MYO9B: variants seen among roughly 807,000 people sequenced by gnomAD.
MYO9B encodes myosin IXB.
In MYO9B, 71 loss-of-function variants were observed where a neutral mutation model predicts 229.5. That is an observed-to-expected ratio of 0.31 (90% CI 0.26 to 0.38). The LOEUF (loss-of-function observed/expected upper bound fraction) is 0.38. Ranked by LOEUF, MYO9B falls within the 10% of genes least tolerant of loss-of-function variation. The pLI, the probability that MYO9B is intolerant of heterozygous loss-of-function variation, is 1.00. For synonymous variants in MYO9B, 1,185 were observed against 1,235.8 expected, an observed-to-expected ratio of 0.96 and a Z score of 0.86; for missense variants, 2,255 against 2,920.5, an observed-to-expected ratio of 0.77 and a Z score of 5.25.
At chr19:17,190,946 A>G in intron 19 of MYO9B, 151 bp from the exon 20 acceptor site, 1 of 831,738 alleles carries the variant, frequency 1.2e-6, no homozygotes, top group East Asian at 2.9e-5. Flanking sequence ...CACCCGGCCC[A>G]GACTATTTCT....
chr19:17,211,763 G>A lies in MYO9B; in HGVS notation c.6047G>A (p.Gly2016Glu). The change falls in exon 39 of 40, where the codon GGG (glycine) becomes GAG (glutamate). Residue 2016 changes from glycine (G) to glutamate (E), a missense_variant. Coordinates refer to ENST00000682292, the MANE Select transcript of MYO9B (RefSeq NM_004145.4). ...ESLLEERAGRGASEGPPAPAL... is the reference protein window; with the variant it reads ...ESLLEERAGREASEGPPAPAL... ...CTGCTGGAGGAGCGGGCCGGGCGGGGGGCCTCGGAAGGTCAGTATTAAGGT... is the reference window on the plus strand; with the variant it reads ...CTGCTGGAGGAGCGGGCCGGGCGGGAGGCCTCGGAAGGTCAGTATTAAGGT... The A allele has an allele frequency of 6.2e-7, 1 of 1,613,066 alleles. No homozygotes were observed. Among genetic ancestry groups the A allele is most frequent in the Non-Finnish European group, 8.5e-7 (1 of 1,179,722 alleles).
intron 25 of MYO9B, 65 bp from the exon 26 acceptor site, chr19:17,200,574 A>G (rs1279854223): frequency 4.6e-6 from 7 of 1,529,814 alleles, no homozygotes; most frequent in Non-Finnish European, 6.2e-6. Flanking sequence ...AAGGCGTGCC[A>G]TAGGAGGTCC....
chr19:17,135,953 A>C (rs1032384310), intron 2 of MYO9B, among the ~76,000 whole-genome samples: 1 of 151,930 alleles, frequency 6.6e-6, no homozygotes, highest in Non-Finnish European at 1.5e-5. Context: ...TACTACGGGG[A>C]CCCTGACTCA....
chr19:17,145,417 A>T lies in MYO9B; in HGVS notation c.861A>T (p.Thr287=). ...TGCAGGCTTTTGGAAATGCCAAGAC[A>T]GCCCACAACAACAACTCCAGCCGGT... ...PVLEAFGNAK[T]AHNNNSSRFG... Residue 287 remains threonine (T), a synonymous_variant, in exon 3 of 40, where the codon ACA becomes ACT. Transcript: ENST00000682292. 1 of 1,614,042 alleles carries T rather than the reference A, an allele frequency of 6.2e-7. No individual in the cohort carries two copies. The highest frequency in any genetic ancestry group is 8.5e-7 in the Non-Finnish European group (1 of 1,179,896).
intron 1 of MYO9B, among the ~76,000 whole-genome samples, chr19:17,090,740 T>A (rs1328721396): frequency 6.6e-6 from 1 of 152,122 alleles, no homozygotes; most frequent in Admixed American, 6.5e-5. Flanking sequence ...CCTTGGGGTA[T>A]TTTGGTGAGA....
chr19:17,169,688 G>T (rs997999586), intron 11 of MYO9B, among the ~76,000 whole-genome samples: 1 of 151,674 alleles, frequency 6.6e-6, no homozygotes, highest in Non-Finnish European at 1.5e-5. Context: ...GCTTCTAGGG[G>T]TCCAAGCTTT....
In MYO9B at chr19:17,180,341, A is replaced by ATCTTTTTT. The variant is rs1555701612; in HGVS notation, c.2220-585_2220-584insCTTTTTTT. On this transcript the variant is annotated intron_variant, in intron 14 of 39. Transcript: ENST00000682292. ...AAAGTGGAATGACCAGATGGAAATAATTTTTTTTTTTTTTTTTTTTTTTTT... is the reference window on the plus strand; with the variant it reads ...AAAGTGGAATGACCAGATGGAAATAATCTTTTTTTTTTTTTTTTTTTTTTTTTTTTTTT... Among the ~76,000 whole-genome samples, 2 of 87,984 alleles carry ATCTTTTTT rather than the reference A, an allele frequency of 2.3e-5. 1 individual carries two copies. The allele number at this position is 87,984 out of a possible 152,430, so 57.7% of individuals were successfully genotyped here.
At chr19:17,119,980 G>A (rs142767083) in intron 2 of MYO9B, among the ~76,000 whole-genome samples, 7 of 152,190 alleles carry the variant, frequency 4.6e-5, no homozygotes, top group East Asian at 1.9e-4. Flanking sequence ...CCTGGACAAC[G>A]TGGCAAAACC....
At chr19:17,147,144 G>A (rs980772170) in intron 3 of MYO9B, among the ~76,000 whole-genome samples, 1 of 152,172 alleles carries the variant, frequency 6.6e-6, no homozygotes, top group Non-Finnish European at 1.5e-5. Flanking sequence ...GGTGTACCCG[G>A]TTCATCAGAA....
Position 17,202,829 on chromosome 19 carries a change from G to A in MYO9B, c.4837-13G>A. The A allele has an allele frequency of 1.3e-6, 2 of 1,587,024 alleles. No individual in the cohort carries two copies. The highest frequency in any genetic ancestry group is 1.1e-5 in the South Asian group (1 of 87,026). ...GGGGGCCCCCGCCAACCTCCTCCTT[G>A]TGTTCCTCACAGCAGAGCAAAGCTC... On this transcript the variant is annotated splice_polypyrimidine_tract_variant and intron_variant, in intron 28 of 39. Transcript: ENST00000682292.
rs757171529 is a variant in MYO9B, at chr19:17,172,751, C to G, written c.1936-8C>G. The G allele has an allele frequency of 6.2e-7, 1 of 1,613,268 alleles. No homozygotes were observed. The highest frequency in any genetic ancestry group is 1.7e-5 in the Admixed American group (1 of 60,024). On this transcript the variant is annotated splice_polypyrimidine_tract_variant and splice_region_variant and intron_variant, in intron 12 of 39. Coordinates refer to ENST00000682292, the MANE Select transcript of MYO9B (RefSeq NM_004145.4). The surrounding 1 kb of genome is among the most constrained non-coding windows in gnomAD (Gnocchi z 8.2). ...CCCGAGTGACCGCCCACATCCATCC[C>G]CCACCAGGACTTCCGGGAGAAGAAC...
chr19:17,123,424 T>TTGTGTGTG (rs3222984), intron 2 of MYO9B, among the ~76,000 whole-genome samples: 5,608 of 146,864 alleles, frequency 0.038, 149 homozygotes, highest in African/African-American at 0.069. Context: ...CAGTAGAAAT[T>TTGTGTGTG]TGTGTGTGTG....
chr19:17,152,815 G>C (rs969618800), intron 4 of MYO9B, 109 bp downstream of exon 4: 1 of 899,810 alleles, frequency 1.1e-6, no homozygotes, highest in Non-Finnish European at 1.7e-6. Flanking sequence ...AATTCTGGGG[G>C]AGGCCGTGGA....
rs975698685 is a variant in MYO9B at position 17,195,718 on chromosome 19, G to T, written c.4046+245G>T. 6.6e-6 allele frequency among the ~76,000 whole-genome samples: 1 copy of T among 152,160 alleles called. No individual in the cohort carries two copies. Among genetic ancestry groups the T allele is most frequent in the African/African-American group, 2.4e-5 (1 of 41,460 alleles). On this transcript the variant is annotated intron_variant, in intron 22 of 39. Transcript: ENST00000682292. The surrounding 1 kb of genome is among the most constrained non-coding windows in gnomAD (Gnocchi z 4.5). ...GAAGGAGCTGTGCTCACACAGAAAG[G>T]CCCCGGCCTTGAGAGAGGTGGCTCC...
intron 2 of MYO9B, among the ~76,000 whole-genome samples, chr19:17,129,369 T>G (rs769883819): frequency 2.6e-5 from 4 of 152,036 alleles, no homozygotes; most frequent in Non-Finnish European, 5.9e-5. Context: ...GCCACTGCAC[T>G]CCAGCTTGGG....
At chr19:17,098,699 C>G (rs952985096) in intron 1 of MYO9B, among the ~76,000 whole-genome samples, 2 of 152,170 alleles carry the variant, frequency 1.3e-5, no homozygotes, top group East Asian at 1.9e-4. Flanking sequence ...GGGGCCTAGG[C>G]AGGTGGATCA....
chr19:17,146,209 G>C (rs74576306), intron 3 of MYO9B, among the ~76,000 whole-genome samples: 4,213 of 141,216 alleles, frequency 0.03, 96 homozygotes, highest in Middle Eastern at 0.071. Context: ...ATGGATGGAT[G>C]GATCGATGGA....
chr19:17,138,338 G>A (rs572493579), intron 2 of MYO9B, among the ~76,000 whole-genome samples: 4 of 152,246 alleles, frequency 2.6e-5, no homozygotes, highest in Admixed American at 2.0e-4. Flanking sequence ...CTTTGCTATT[G>A]TGAATAGTGC....
At chr19:17,177,290 T>C (rs1183418269) in intron 14 of MYO9B, among the ~76,000 whole-genome samples, 1 of 151,730 alleles carries the variant, frequency 6.6e-6, no homozygotes, top group African/African-American at 2.4e-5. Context: ...TTGTTGGTTT[T>C]TTTTTTTTTT....
Sources: gnomAD v4.1 joint callset for allele counts (sites outside exome capture counted in the v4.1 genomes callset) on GRCh38, gnomAD v4.1.1 for gene constraint, Gnocchi (gnomAD v3.1) non-coding constraint, MANE v1.5 for transcripts, NCBI Gene and HGNC (gene_info 2026-07-23, HGNC 2026-07-21) for gene names.